Variants in SLC35F3 observed in about 807,000 individuals in gnomAD.
SLC35F3 encodes the protein solute carrier family 35 member F3, also known as putative thiamine transporter SLC35F3.
SLC35F3 carries 25 observed loss-of-function variants against 49.9 expected under a neutral mutation model. That is an observed-to-expected ratio of 0.50 (90% CI 0.37 to 0.70). The LOEUF (loss-of-function observed/expected upper bound fraction) is 0.70, where lower values mean the gene tolerates loss of function less well. Among genes scored for constraint, SLC35F3 ranks in the 30% least tolerant of loss-of-function variants. SLC35F3 has a pLI of 0.00. For missense variants in SLC35F3, 525 were observed against 639.8 expected, an observed-to-expected ratio of 0.82 and a Z score of 1.94; for synonymous variants, 275 against 265.4, an observed-to-expected ratio of 1.04 and a Z score of -0.35.
intron 2 of SLC35F3, among the ~76,000 whole-genome samples, chr1:234,033,486 C>T (rs1664091941): frequency 6.6e-6 from 1 of 152,170 alleles, no homozygotes; most frequent in Non-Finnish European, 1.5e-5. Context: ...TTTATAGTTT[C>T]AGGTCTTAGA....
chr1:234,239,440 C>T (rs981995901), intron 3 of SLC35F3, among the ~76,000 whole-genome samples: 2 of 152,082 alleles, frequency 1.3e-5, no homozygotes, highest in African/African-American at 4.8e-5. Flanking sequence ...GTAAGCCAGC[C>T]GATAGGCACA....
intron 2 of SLC35F3, among the ~76,000 whole-genome samples, chr1:234,187,886 T>G (rs1389002622): frequency 6.6e-6 from 1 of 151,048 alleles, no homozygotes; most frequent in Admixed American, 6.6e-5. Context: ...ACAACCAGAG[T>G]TTCCTAGCCA....
intron 2 of SLC35F3, among the ~76,000 whole-genome samples, chr1:234,150,524 C>T (rs1022184724): frequency 6.6e-6 from 1 of 152,058 alleles, no homozygotes; most frequent in African/African-American, 2.4e-5. Context: ...AATGTTTGTT[C>T]CCTTTACTTT....
At chr1:234,198,747 A>AT (rs1666851660) in intron 2 of SLC35F3, among the ~76,000 whole-genome samples, 1 of 152,158 alleles carries the variant, frequency 6.6e-6, no homozygotes. Flanking sequence ...TTAACTTACC[A>AT]TTTTTTGTGG....
At chr1:233,981,665 G>GAA (rs57909733) in intron 2 of SLC35F3, among the ~76,000 whole-genome samples, 16 of 138,372 alleles carry the variant, frequency 1.2e-4, no homozygotes, top group Non-Finnish European at 2.2e-4. Flanking sequence ...CTTTTCTCTG[G>GAA]AAAAAAAAAA....
chr1:234,237,274 C>A (rs1230827160), intron 3 of SLC35F3, among the ~76,000 whole-genome samples: 1 of 152,012 alleles, frequency 6.6e-6, no homozygotes, highest in Non-Finnish European at 1.5e-5. Context: ...GGACAGGATG[C>A]CTAGTTCCTG....
At chr1:234,267,260 A>C (rs1364735433) in intron 3 of SLC35F3, among the ~76,000 whole-genome samples, 1 of 124,162 alleles carries the variant, frequency 8.1e-6, no homozygotes, top group African/African-American at 3.3e-5. Flanking sequence ...CAAAATGAAA[A>C]GTCTCCCATG....
chr1:234,135,750 C>G (rs1665800722), intron 2 of SLC35F3, among the ~76,000 whole-genome samples: 2 of 152,232 alleles, frequency 1.3e-5, no homozygotes, highest in Non-Finnish European at 2.9e-5. Context: ...TTGCATGAGG[C>G]ATTCCAGACT....
intron 2 of SLC35F3, among the ~76,000 whole-genome samples, chr1:234,125,757 C>T (rs1359858461): frequency 6.6e-6 from 1 of 152,208 alleles, no homozygotes; most frequent in Admixed American, 6.5e-5. Flanking sequence ...GCATTGTTCA[C>T]ATATTATAGT....
At chr1:233,909,146 C>T (rs541478560) in intron 2 of SLC35F3, among the ~76,000 whole-genome samples, 27 of 152,318 alleles carry the variant, frequency 1.8e-4, no homozygotes, top group African/African-American at 5.3e-4. Context: ...CATGAGCCAC[C>T]GCACCCAGCC....
At chr1:233,946,044 T>G (rs1030926116) in intron 2 of SLC35F3, among the ~76,000 whole-genome samples, 16 of 152,250 alleles carry the variant, frequency 1.1e-4, no homozygotes. Context: ...ACAATTTGAT[T>G]GCTAAATATT....
intron 2 of SLC35F3, among the ~76,000 whole-genome samples, chr1:234,225,627 G>T (rs1334560178): frequency 6.6e-6 from 1 of 152,196 alleles, no homozygotes; most frequent in Non-Finnish European, 1.5e-5. Flanking sequence ...TATCTGCCTT[G>T]TACCGCAAAG....
At chr1:233,935,189 CTTTTTTTTTTTTTTTTTT>C in intron 2 of SLC35F3, among the ~76,000 whole-genome samples, 1 of 50,312 alleles carries the variant, frequency 2.0e-5, no homozygotes, top group South Asian at 1.3e-3. Context: ...TTTCCTTGCC[CTTTTTTTTTTTTTTTTTT>C]TTTTTTTTTT....
intron 2 of SLC35F3, among the ~76,000 whole-genome samples, chr1:233,973,981 G>C: frequency 6.6e-6 from 1 of 151,934 alleles, no homozygotes; most frequent in East Asian, 1.9e-4. Context: ...CCTTCATACT[G>C]ATTTTTGATT....
intron 3 of SLC35F3, among the ~76,000 whole-genome samples, chr1:234,267,388 G>T (rs1572124616): frequency 6.9e-6 from 1 of 144,790 alleles, no homozygotes; most frequent in South Asian, 2.2e-4. Context: ...CCAATGAGCC[G>T]CTGGGCACAC....
chr1:234,184,787 A>G lies in SLC35F3; in HGVS notation c.284-46630A>G, dbSNP rs897488357. Among the ~76,000 whole-genome samples the G allele has an allele frequency of 3.3e-5, 5 of 152,272 alleles. 1 individual carries two copies. The South Asian group carries it at 1.0e-3, about 32-fold the overall frequency. ...ATGAATAACTATTTATTGAAAATCTACCACACACGTGACATTGTCCTAGAT... is the reference window on the plus strand; with the variant it reads ...ATGAATAACTATTTATTGAAAATCTGCCACACACGTGACATTGTCCTAGAT... On this transcript the variant is annotated intron_variant, in intron 2 of 7. Transcript: ENST00000366618.
At chr1:234,080,995 T>G (rs747240317) in intron 2 of SLC35F3, among the ~76,000 whole-genome samples, 1 of 152,208 alleles carries the variant, frequency 6.6e-6, no homozygotes, top group East Asian at 1.9e-4. Context: ...TCCTCCCTAC[T>G]TGCCACAATT....
rs568017586 is a variant in SLC35F3, at chr1:234,154,073, C to A, written c.284-77344C>A. Among the ~76,000 whole-genome samples the A allele has an allele frequency of 7.4e-3, 1,097 of 148,752 alleles. 15 individuals carry two copies. Among genetic ancestry groups the A allele is most frequent in the African/African-American group, 0.024 (982 of 40,440 alleles). Reference sequence around the variant, plus strand: ...CGAGACTCCGTCTCAAAAAAAAAAACAAAAAACAAAAAACTAGCTGGGTGG... The same window carrying A: ...CGAGACTCCGTCTCAAAAAAAAAAAAAAAAAACAAAAAACTAGCTGGGTGG... On this transcript the variant is annotated intron_variant, in intron 2 of 7. Transcript: ENST00000366618.
chr1:234,045,636 A>C (rs1228244172), intron 2 of SLC35F3, among the ~76,000 whole-genome samples: 1 of 152,176 alleles, frequency 6.6e-6, no homozygotes, highest in African/African-American at 2.4e-5. Context: ...AAGAGTACAC[A>C]ATAACGTATT....
Sources: gnomAD v4.1 joint callset for allele counts (sites outside exome capture counted in the v4.1 genomes callset) on GRCh38, gnomAD v4.1.1 for gene constraint, MANE v1.5 for transcripts, NCBI Gene and HGNC (gene_info 2026-07-23, HGNC 2026-07-21) for gene names.